The following SOCS6 variants were observed in gnomAD, a reference collection of about 807,000 sequenced individuals.
The protein encoded by SOCS6 is suppressor of cytokine signaling 6.
Under a neutral mutation model 27.7 loss-of-function variants are expected in SOCS6, and 5 were observed. That is an observed-to-expected ratio of 0.18 (90% confidence interval 0.09 to 0.38). The LOEUF is 0.38. Ranked by LOEUF, SOCS6 falls within the 10% of genes least tolerant of loss-of-function variation. The pLI is 1.00. For missense variants in SOCS6, 595 were observed against 688.1 expected, an observed-to-expected ratio of 0.86 and a Z score of 1.51; for synonymous variants, 271 against 260.0, an observed-to-expected ratio of 1.04 and a Z score of -0.41.
At chr18:70,306,084 G>A (rs965138994) in intron 1 of SOCS6, among the ~76,000 whole-genome samples, 1 of 152,004 alleles carries the variant, frequency 6.6e-6, no homozygotes, top group Non-Finnish European at 1.5e-5. Flanking sequence ...TTAAAAGTTA[G>A]CTAAGTGTGG....
At chr18:70,310,638 A>G (rs571253145) in intron 1 of SOCS6, among the ~76,000 whole-genome samples, 19 of 152,028 alleles carry the variant, frequency 1.2e-4, no homozygotes, top group Middle Eastern at 3.4e-3. Context: ...CCAGAAGTGA[A>G]TCCCCTAGGT....
rs547462169 is a variant in SOCS6 at position 70,290,367 on chromosome 18, G to C, written c.-127+1277G>C. On this transcript the variant is annotated intron_variant, in intron 1 of 1. Coordinates refer to ENST00000397942, the MANE Select transcript of SOCS6 (RefSeq NM_004232.4). ...ACTACCACAACATTAAATCCATTTA[G>C]CTTACTTGAATGAACGAATCTTAAT... Among the ~76,000 whole-genome samples, 88 of 152,308 alleles carry C rather than the reference G, an allele frequency of 5.8e-4. No homozygotes were observed. In the South Asian group the frequency reaches 9.7e-3, roughly 17 times the overall value.
At chr18:70,312,428 G>C (rs1308831886) in intron 1 of SOCS6, among the ~76,000 whole-genome samples, 4 of 151,954 alleles carry the variant, frequency 2.6e-5, no homozygotes, top group Admixed American at 2.0e-4. Flanking sequence ...ATAATTACTT[G>C]GTTAGGTGTA....
At chr18:70,324,195 G>C (rs1911097076) in intron 1 of SOCS6, among the ~76,000 whole-genome samples, 2 of 151,724 alleles carry the variant, frequency 1.3e-5, no homozygotes, top group South Asian at 4.1e-4. Context: ...CCAGCTACTT[G>C]GGAGGCTGAG....
At chr18:70,310,136 A>G (rs1157315606) in intron 1 of SOCS6, among the ~76,000 whole-genome samples, 1 of 152,226 alleles carries the variant, frequency 6.6e-6, no homozygotes, top group Admixed American at 6.5e-5. Flanking sequence ...CACACTTACC[A>G]TTTCCAGTTG....
intron 1 of SOCS6, among the ~76,000 whole-genome samples, chr18:70,316,141 C>T (rs971022954): frequency 5.3e-5 from 8 of 152,174 alleles, no homozygotes; most frequent in Non-Finnish European, 1.0e-4. Context: ...TGAGCCACCT[C>T]GCCCGGCTGA....
intron 1 of SOCS6, among the ~76,000 whole-genome samples, chr18:70,312,406 A>G (rs2146281987): frequency 6.6e-6 from 1 of 152,342 alleles, no homozygotes; most frequent in East Asian, 1.9e-4. Flanking sequence ...CAAAGAACAA[A>G]TCATTAGTAG....
chr18:70,292,228 G>A (rs781211828), intron 1 of SOCS6, among the ~76,000 whole-genome samples: 1 of 152,188 alleles, frequency 6.6e-6, no homozygotes, highest in Non-Finnish European at 1.5e-5. Flanking sequence ...CCATTTACCC[G>A]CTCTGTCACG....
In SOCS6 at chr18:70,294,970, C is replaced by G. The variant is rs1314075766; in HGVS notation, c.-127+5880C>G. Among the ~76,000 whole-genome samples the G allele has an allele frequency of 3.3e-5, 5 of 152,192 alleles. 1 individual carries two copies. ...TTATCTTATTTTCCATAGCATCGGA[C>G]TCTTGAGTATAGAGAAGAAAAGAAA... On this transcript the variant is annotated intron_variant, in intron 1 of 1. Coordinates refer to ENST00000397942, the MANE Select transcript of SOCS6 (RefSeq NM_004232.4).
intron 1 of SOCS6, among the ~76,000 whole-genome samples, chr18:70,318,078 A>T (rs1910829972): frequency 6.6e-6 from 1 of 152,102 alleles, no homozygotes; most frequent in Non-Finnish European, 1.5e-5. Context: ...TGGCCCTCGA[A>T]CGCCTGACCT....
intron 1 of SOCS6, among the ~76,000 whole-genome samples, chr18:70,310,723 T>C (rs1221456915): frequency 6.6e-6 from 1 of 152,118 alleles, no homozygotes; most frequent in Admixed American, 6.5e-5. Flanking sequence ...GAAATAGTAG[T>C]TGCAATGTGG....
At chr18:70,313,462 C>T (rs527946822) in intron 1 of SOCS6, among the ~76,000 whole-genome samples, 44 of 152,102 alleles carry the variant, frequency 2.9e-4, no homozygotes, top group Non-Finnish European at 5.4e-4. Context: ...TTCTGCAGTG[C>T]AAGCCTTCTA....
At chr18:70,319,608 TAAAAAAAAAAAA>T (rs34494275) in intron 1 of SOCS6, among the ~76,000 whole-genome samples, 18 of 126,340 alleles carry the variant, frequency 1.4e-4, no homozygotes, top group African/African-American at 5.2e-4. Context: ...AGCACTTCAG[TAAAAAAAAAAAA>T]AAAAAAAAAA....
In SOCS6 at chr18:70,308,623, T is replaced by C. The variant is rs144937440; in HGVS notation, c.-126-15920T>C. 1.7e-3 allele frequency among the ~76,000 whole-genome samples: 255 copies of C among 152,328 alleles called. 3 individuals are homozygous for C. The highest frequency in any genetic ancestry group is 5.9e-3 in the African/African-American group (245 of 41,568). ...TTGAAGTATTATATACCTTGCTATTTCATCTTTATTTGTTCCATCATTTAT... is the reference window on the plus strand; with the variant it reads ...TTGAAGTATTATATACCTTGCTATTCCATCTTTATTTGTTCCATCATTTAT... On this transcript the variant is annotated intron_variant, in intron 1 of 1. Transcript: ENST00000397942.
Position 70,303,039 on chromosome 18 carries a change from T to TA in SOCS6, c.-127+13954dup, listed in dbSNP as rs542548012. Among the ~76,000 whole-genome samples, 436 of 152,320 alleles carry TA rather than the reference T, an allele frequency of 2.9e-3. 1 individual carries two copies. The highest frequency in any genetic ancestry group is 3.9e-3 in the Non-Finnish European group (264 of 68,018). ...AACAAGCTCACAGGTTTTATTCTTA[T>TA]AAAAACACTGCATGTTCATTATAGG... On this transcript the variant is annotated intron_variant, in intron 1 of 1. Transcript: ENST00000397942.
At chr18:70,317,264 C>T (rs1355683762) in intron 1 of SOCS6, among the ~76,000 whole-genome samples, 1 of 152,130 alleles carries the variant, frequency 6.6e-6, no homozygotes, top group Non-Finnish European at 1.5e-5. Context: ...TTTGCATCCT[C>T]ATAACTTAGC....
chr18:70,325,344 C>G lies in SOCS6; in HGVS notation c.676C>G (p.Pro226Ala), dbSNP rs781344240. The G allele has an allele frequency of 6.2e-7, 1 of 1,614,058 alleles. No homozygotes were observed. The highest frequency in any genetic ancestry group is 1.1e-5 in the South Asian group (1 of 91,068). ...TCAGGACTACATTCAGTATACTGTG[C>G]CTTTAGATGAGGGGATGTATCCTTT... is the stretch of plus-strand genomic sequence containing the variant. ...MPQDYIQYTV[P>A]LDEGMYPLEG... Residue 226 changes from proline to alanine, a missense_variant, in exon 2 of 2, where the codon CCT (proline) becomes GCT (alanine). Coordinates refer to ENST00000397942, the MANE Select transcript of SOCS6 (RefSeq NM_004232.4). The surrounding 1 kb of genome is among the most constrained non-coding windows in gnomAD (Gnocchi z 6.3).
chr18:70,304,411 T>C (rs1400675412), intron 1 of SOCS6, among the ~76,000 whole-genome samples: 1 of 152,208 alleles, frequency 6.6e-6, no homozygotes, highest in Admixed American at 6.5e-5. Flanking sequence ...AGCCAACCCA[T>C]CTTACATTCC....
intron 1 of SOCS6, among the ~76,000 whole-genome samples, chr18:70,317,721 C>T (rs535118079): frequency 2.6e-5 from 4 of 151,656 alleles, no homozygotes; most frequent in African/African-American, 9.7e-5. Flanking sequence ...AGTGGGATTG[C>T]TGGATGAAAT....
Sources: allele counts gnomAD v4.1 joint callset (sites outside exome capture counted in the v4.1 genomes callset), GRCh38; gene constraint gnomAD v4.1.1; non-coding constraint Gnocchi (gnomAD v3.1); transcripts MANE v1.5; gene names NCBI Gene and HGNC (gene_info 2026-07-23, HGNC 2026-07-21).